Variants in CWF19L2 observed in about 807,000 individuals in gnomAD.
CWF19L2 encodes the protein CWF19-like protein 2.
Under a neutral mutation model 111.7 loss-of-function variants are expected in CWF19L2, and 98 were observed. The observed-to-expected ratio is 0.88, with a 90% CI of 0.75 to 1.04. The LOEUF is 1.04. Ranked by LOEUF, CWF19L2 falls within the 50% of genes least tolerant of loss-of-function variation. CWF19L2 has a pLI of 0.00. For missense variants in CWF19L2, 1,101 were observed against 1,051.4 expected (o/e 1.05, Z -0.65); for synonymous variants, 351 against 342.9 (o/e 1.02, Z -0.26).
intron 8 of CWF19L2, among the ~76,000 whole-genome samples, chr11:107,426,295 T>C (rs760577595): frequency 5.9e-5 from 9 of 151,864 alleles, no homozygotes; most frequent in Non-Finnish European, 1.2e-4. Context: ...AAAGAGTCTG[T>C]TTCTCAACTA....
At chr11:107,356,733 T>C (rs928513028) in intron 12 of CWF19L2, among the ~76,000 whole-genome samples, 18 of 152,142 alleles carry the variant, frequency 1.2e-4, no homozygotes, top group Non-Finnish European at 2.1e-4. Context: ...TATTTTCACT[T>C]GACAGATTAA....
intron 7 of CWF19L2, among the ~76,000 whole-genome samples, chr11:107,433,035 G>A (rs1162747403): frequency 6.6e-6 from 1 of 152,066 alleles, no homozygotes; most frequent in Admixed American, 6.5e-5. Flanking sequence ...TAAAAAGCCA[G>A]GGCATATTCT....
At chr11:107,454,690 A>C in intron 2 of CWF19L2, 118 bp from the exon 3 acceptor site, 1 of 593,144 alleles carries the variant, frequency 1.7e-6, no homozygotes. Flanking sequence ...CTGATGAAAT[A>C]AGACCAAGAA....
chr11:107,416,333 A>G, intron 9 of CWF19L2, 35 bp from the exon 10 acceptor site: 2 of 928,688 alleles, frequency 2.2e-6, no homozygotes, highest in South Asian at 1.8e-5. Flanking sequence ...TATGTGCGAT[A>G]TGTAGTTTAA....
At chr11:107,350,781 A>G (rs1304124409) in intron 13 of CWF19L2, among the ~76,000 whole-genome samples, 1 of 152,196 alleles carries the variant, frequency 6.6e-6, no homozygotes, top group Non-Finnish European at 1.5e-5. Flanking sequence ...GTCTAGGGAG[A>G]AGTTAGGAAG....
intron 16 of CWF19L2, among the ~76,000 whole-genome samples, chr11:107,333,088 T>TAA (rs11212169): frequency 4.4e-4 from 64 of 146,394 alleles, no homozygotes; most frequent in South Asian, 8.6e-4. Flanking sequence ...AGACTCTGTC[T>TAA]AAAAAAAAAA....
chr11:107,438,884 T>C (rs968826599), intron 6 of CWF19L2, among the ~76,000 whole-genome samples: 2 of 151,716 alleles, frequency 1.3e-5, no homozygotes, highest in Non-Finnish European at 2.9e-5. Flanking sequence ...CACATCTCTA[T>C]AAAAAATTAT....
intron 14 of CWF19L2, among the ~76,000 whole-genome samples, chr11:107,337,547 A>G (rs2134526390): frequency 6.6e-6 from 1 of 152,222 alleles, no homozygotes. Context: ...AAGAAAGGGG[A>G]ACAGGCTGAA....
At chr11:107,407,216 C>G (rs1861091801) in intron 10 of CWF19L2, among the ~76,000 whole-genome samples, 1 of 152,022 alleles carries the variant, frequency 6.6e-6, no homozygotes, top group Non-Finnish European at 1.5e-5. Flanking sequence ...TTTTATAAAG[C>G]ACATTAAATT....
At chr11:107,355,357 G>A (rs1343209116) in intron 12 of CWF19L2, among the ~76,000 whole-genome samples, 42 of 151,482 alleles carry the variant, frequency 2.8e-4, no homozygotes. Flanking sequence ...GGAGGTTGCA[G>A]TGAGCCAAGA....
chr11:107,418,420 A>C, intron 8 of CWF19L2, 133 bp from the exon 9 acceptor site: 2 of 648,914 alleles, frequency 3.1e-6, no homozygotes, highest in Non-Finnish European at 5.6e-6. Flanking sequence ...ATTGTAATAC[A>C]TGTAAATTAA....
intron 10 of CWF19L2, among the ~76,000 whole-genome samples, chr11:107,393,112 A>T (rs868228833): frequency 5.1e-4 from 77 of 152,144 alleles, no homozygotes; most frequent in African/African-American, 1.1e-3. Flanking sequence ...TAGTATTTTT[A>T]AAAAAGCAAT....
chr11:107,355,932 C>A (rs1424084886), intron 12 of CWF19L2, among the ~76,000 whole-genome samples: 2 of 152,154 alleles, frequency 1.3e-5, no homozygotes, highest in South Asian at 2.1e-4. Context: ...AATATACGTT[C>A]TTCTCAATTG....
intron 10 of CWF19L2, among the ~76,000 whole-genome samples, chr11:107,397,515 C>A (rs550169578): frequency 5.9e-5 from 9 of 152,214 alleles, no homozygotes; most frequent in Middle Eastern, 3.4e-3. Flanking sequence ...CCCAGCAAGA[C>A]GCGCCCACGG....
chr11:107,383,281 C>T (rs1006280098), intron 12 of CWF19L2, among the ~76,000 whole-genome samples: 2 of 151,946 alleles, frequency 1.3e-5, no homozygotes, highest in African/African-American at 4.8e-5. Flanking sequence ...GGACTGAGAC[C>T]CCAACCTGTG....
intron 12 of CWF19L2, among the ~76,000 whole-genome samples, chr11:107,386,416 G>A (rs1220678406): frequency 6.6e-6 from 1 of 152,060 alleles, no homozygotes; most frequent in Admixed American, 6.6e-5. Context: ...CCTTTCTAAG[G>A]TCAATTCTTC....
At chr11:107,448,342 A>AC (rs1354145481) in intron 3 of CWF19L2, among the ~76,000 whole-genome samples, 1 of 95,928 alleles carries the variant, frequency 1.0e-5, no homozygotes, top group Non-Finnish European at 2.1e-5. Context: ...AGACTCCGTC[A>AC]CAAAAAAAAA....
chr11:107,453,652 A>G (rs1298201489), intron 3 of CWF19L2, among the ~76,000 whole-genome samples: 2 of 151,470 alleles, frequency 1.3e-5, no homozygotes, highest in Non-Finnish European at 2.9e-5. Context: ...GCTTGAGAAA[A>G]GTAAAGGGGG....
chr11:107,430,513 A>G (rs1945393500), intron 7 of CWF19L2, among the ~76,000 whole-genome samples: 1 of 152,142 alleles, frequency 6.6e-6, no homozygotes, highest in South Asian at 2.1e-4. Context: ...TTCTGAGGGA[A>G]AAAAATTACT....
Sources: gnomAD v4.1 joint callset for allele counts (sites outside exome capture counted in the v4.1 genomes callset) on GRCh38, gnomAD v4.1.1 for gene constraint, MANE v1.5 for transcripts, NCBI Gene and HGNC (gene_info 2026-07-23, HGNC 2026-07-21) for gene names.